B4GALT5: variants seen among roughly 807,000 people sequenced by gnomAD.
The protein encoded by B4GALT5 is UDP-Gal:beta-GlcNAc beta-1,4-galactosyltransferase 5.
A neutral mutation model predicts 45.0 loss-of-function variants in B4GALT5; 11 were observed. The ratio of observed to expected loss-of-function variants is 0.24; its 90% confidence interval spans 0.15 to 0.40. B4GALT5 has a LOEUF of 0.40. Ranked by LOEUF, B4GALT5 falls within the 10% of genes least tolerant of loss-of-function variation. The probability of loss-of-function intolerance (pLI) is 1.00; values close to 1 mark genes in which losing one functional copy is unlikely to be tolerated. For synonymous variants in B4GALT5, 185 were observed against 182.9 expected (o/e 1.01, Z -0.09); for missense variants, 337 against 500.2 (o/e 0.67, Z 3.11).
intron 7 of B4GALT5, 35 bp downstream of exon 7, chr20:49,639,643 A>T: frequency 6.2e-7 from 1 of 1,610,398 alleles, no homozygotes; most frequent in Non-Finnish European, 8.5e-7. Context: ...CTAAGGTAGC[A>T]TTTCTAGAAG....
intron 1 of B4GALT5, among the ~76,000 whole-genome samples, chr20:49,689,192 T>C (rs978436069): frequency 2.6e-5 from 4 of 152,200 alleles, no homozygotes; most frequent in African/African-American, 7.2e-5. Flanking sequence ...TTGACAATTA[T>C]ACAGGATTTA....
At chr20:49,664,468 AC>A (rs1274539501) in intron 1 of B4GALT5, among the ~76,000 whole-genome samples, 1 of 145,780 alleles carries the variant, frequency 6.9e-6, no homozygotes, top group Non-Finnish European at 1.5e-5. Flanking sequence ...ACACACACAC[AC>A]ACTTTAGATT....
At chr20:49,697,360 G>GACC (rs1404703473) in intron 1 of B4GALT5, among the ~76,000 whole-genome samples, 2 of 152,236 alleles carry the variant, frequency 1.3e-5, no homozygotes, top group Non-Finnish European at 2.9e-5. Context: ...CTTGCTCTTG[G>GACC]ACTTCTGGCT....
chr20:49,688,850 T>C (rs964719892), intron 1 of B4GALT5, among the ~76,000 whole-genome samples: 4 of 151,436 alleles, frequency 2.6e-5, no homozygotes, highest in African/African-American at 9.7e-5. Context: ...GGCAGGAGAA[T>C]TGCTTAAGTC....
intron 1 of B4GALT5, among the ~76,000 whole-genome samples, chr20:49,697,330 G>A (rs1600555021): frequency 6.6e-6 from 1 of 152,376 alleles, no homozygotes; most frequent in East Asian, 1.9e-4. Context: ...AGCCTGGAAG[G>A]TTTACCCTTC....
At chr20:49,685,452 C>A (rs531887949) in intron 1 of B4GALT5, among the ~76,000 whole-genome samples, 2 of 152,228 alleles carry the variant, frequency 1.3e-5, no homozygotes, top group African/African-American at 4.8e-5. Flanking sequence ...TTGAAAGCAG[C>A]AGGGGTAGCA....
chr20:49,655,197 G>C (rs1227886912), intron 2 of B4GALT5, among the ~76,000 whole-genome samples: 2 of 151,870 alleles, frequency 1.3e-5, no homozygotes, highest in Non-Finnish European at 2.9e-5. Flanking sequence ...TTGGGAGGCC[G>C]AGGCAGGCGG....
intron 1 of B4GALT5, among the ~76,000 whole-genome samples, chr20:49,678,898 C>G (rs2085752227): frequency 6.6e-6 from 1 of 152,108 alleles, no homozygotes; most frequent in Non-Finnish European, 1.5e-5. Flanking sequence ...GTAATGGGGG[C>G]TGGGGGGAAT....
At chr20:49,690,561 G>C (rs1600551894) in intron 1 of B4GALT5, among the ~76,000 whole-genome samples, 1 of 148,004 alleles carries the variant, frequency 6.8e-6, no homozygotes, top group Non-Finnish European at 1.5e-5. Flanking sequence ...AAAAAAAAAA[G>C]GGGGGGGTGA....
intron 1 of B4GALT5, among the ~76,000 whole-genome samples, chr20:49,711,408 C>A (rs1418988091): frequency 6.6e-6 from 1 of 152,156 alleles, no homozygotes; most frequent in Non-Finnish European, 1.5e-5. Flanking sequence ...ACCTTTCTAT[C>A]AAAAGGGTGA....
In B4GALT5 at chr20:49,713,716, GC is replaced by G; in HGVS notation, c.-27del. ...GCTGCAGCCAGGCGGCCGCTAGAGA[GC>G]CAGGCCGGGCCTGCTCCCGCAGCTC... is the stretch of plus-strand genomic sequence containing the variant. On this transcript the variant is annotated 5_prime_UTR_variant, in exon 1 of 9. Transcript: ENST00000371711. The G allele has an allele frequency of 9.6e-7, 1 of 1,043,452 alleles. No individual in the cohort carries two copies. The highest frequency in any genetic ancestry group is 2.1e-5 in the South Asian group (1 of 48,468). The allele number at this position is 1,043,452 out of a possible 1,614,324, so 64.6% of individuals were successfully genotyped here. A position where few individuals can be genotyped will look rare whatever the true frequency, so the allele number is the denominator to read the frequency against.
rs372217369 is a variant in B4GALT5, at chr20:49,680,934, G to A, written c.116-24232C>T. On this transcript the variant is annotated intron_variant, in intron 1 of 8. Coordinates refer to ENST00000371711, the MANE Select transcript of B4GALT5 (RefSeq NM_004776.4). ...TATTTTACCACAATTTAAAAAAACTGTACATAAAAACTAGAATTATAATTT... is the reference window on the plus strand; with the variant it reads ...TATTTTACCACAATTTAAAAAAACTATACATAAAAACTAGAATTATAATTT... Among the ~76,000 whole-genome samples the A allele has an allele frequency of 2.0e-5, 3 of 152,030 alleles. No homozygotes were observed. In the East Asian group the frequency reaches 5.8e-4, roughly 29 times the overall value.
In B4GALT5 at chr20:49,640,499, T is replaced by C. The variant is rs1488330429; in HGVS notation, c.773A>G (p.Lys258Arg). Residue 258 changes from lysine (K) to arginine (R), a missense_variant, in exon 6 of 9, where the codon AAA (lysine) becomes AGA (arginine). Transcript: ENST00000371711. ...TCACAGATACATATACTTATCCAAT[T>C]TGGTTGCAAAATGCCTCGGCATCTG... ...CGQMPRHFAT[K>R]LDKYMYLLPY... The C allele has an allele frequency of 6.2e-7, 1 of 1,608,330 alleles. No homozygotes were observed. The highest frequency in any genetic ancestry group is 8.5e-7 in the Non-Finnish European group (1 of 1,178,344).
intron 1 of B4GALT5, among the ~76,000 whole-genome samples, chr20:49,704,342 A>G (rs2085875090): frequency 6.6e-6 from 1 of 152,190 alleles, no homozygotes; most frequent in African/African-American, 2.4e-5. Flanking sequence ...CTCTTTACTG[A>G]TATTTAAATA....
At chr20:49,676,028 C>A (rs1280890839) in intron 1 of B4GALT5, among the ~76,000 whole-genome samples, 7 of 151,726 alleles carry the variant, frequency 4.6e-5, no homozygotes, top group Non-Finnish European at 1.0e-4. Flanking sequence ...ATTATTGCAT[C>A]CTCCCCCAAC....
chr20:49,675,027 C>A (rs552225291), intron 1 of B4GALT5, among the ~76,000 whole-genome samples: 1 of 152,042 alleles, frequency 6.6e-6, no homozygotes, highest in Non-Finnish European at 1.5e-5. Flanking sequence ...CAAAAAATCC[C>A]GGGAAAAATA....
Position 49,636,304 on chromosome 20 carries a change from C to G in B4GALT5, c.*8G>C. On this transcript the variant is annotated 3_prime_UTR_variant, in exon 9 of 9. Transcript: ENST00000371711. ...GCGGTGGGTAAAGCAAACGTACATT[C>G]TCTCCTCTCAGTACTCGTTCACCTG... The G allele has an allele frequency of 1.2e-6, 2 of 1,613,780 alleles. No individual in the cohort carries two copies. Among genetic ancestry groups the G allele is most frequent in the South Asian group, 1.1e-5 (1 of 91,056 alleles).
At chr20:49,692,030 A>C (rs1308435024) in intron 1 of B4GALT5, among the ~76,000 whole-genome samples, 3 of 152,134 alleles carry the variant, frequency 2.0e-5, no homozygotes, top group East Asian at 3.9e-4. Flanking sequence ...CCTGGCAACA[A>C]CACACCTTGG....
intron 1 of B4GALT5, among the ~76,000 whole-genome samples, chr20:49,693,386 G>C (rs956105127): frequency 3.3e-5 from 5 of 152,118 alleles, no homozygotes; most frequent in African/African-American, 1.2e-4. Flanking sequence ...CGAACAGAAT[G>C]GTCCAGTAAC....
Sources: allele counts gnomAD v4.1 joint callset (sites outside exome capture counted in the v4.1 genomes callset), GRCh38; gene constraint gnomAD v4.1.1; transcripts MANE v1.5; gene names NCBI Gene and HGNC (gene_info 2026-07-23, HGNC 2026-07-21).